Variants in SEC14L6 observed in about 807,000 individuals in gnomAD.
The protein encoded by SEC14L6 is SEC14 like lipid binding 6.
In SEC14L6, 40 loss-of-function variants were observed where a neutral mutation model predicts 54.1. The observed-to-expected ratio is 0.74, with a 90% confidence interval of 0.57 to 0.96. The LOEUF is 0.96. Among genes scored for constraint, SEC14L6 ranks in the 40% least tolerant of loss-of-function variants. SEC14L6 has a pLI of 0.00. For missense variants in SEC14L6, 471 were observed against 498.3 expected (o/e 0.95, Z 0.52); for synonymous variants, 171 against 198.4 (o/e 0.86, Z 1.16).
intron 1 of SEC14L6, among the ~76,000 whole-genome samples, chr22:30,541,396 C>T (rs896988128): frequency 5.3e-5 from 8 of 152,132 alleles, no homozygotes; most frequent in Non-Finnish European, 7.3e-5. Flanking sequence ...GAGTGGCTCA[C>T]GCCTGTAATC....
intron 1 of SEC14L6, chr22:30,542,589 G>A: frequency 6.7e-7 from 1 of 1,484,894 alleles, no homozygotes; most frequent in Non-Finnish European, 8.9e-7. Context: ...CCCGCGGGCC[G>A]GTCCCCGGCC....
intron 2 of SEC14L6, 123 bp downstream of exon 2, chr22:30,538,704 A>G (rs1297233874): frequency 2.9e-6 from 2 of 685,390 alleles, no homozygotes; most frequent in South Asian, 1.9e-5. Context: ...CACGAGAGAT[A>G]ATAAATGTTT....
intron 1 of SEC14L6, among the ~76,000 whole-genome samples, chr22:30,540,269 T>A (rs1262214253): frequency 6.6e-6 from 1 of 152,172 alleles, no homozygotes; most frequent in African/African-American, 2.4e-5. Context: ...GCAATTTTTA[T>A]TTCAATTTCT....
chr22:30,543,961 G>A (rs1241027606), intron 1 of SEC14L6: 34 of 1,606,066 alleles, frequency 2.1e-5, no homozygotes, highest in Non-Finnish European at 2.7e-5. Flanking sequence ...GCCTGCGTCG[G>A]AGGACACCCT....
chr22:30,531,909 G>C lies in SEC14L6; in HGVS notation c.513C>G (p.Leu171=). 1 of 1,550,366 alleles carries C rather than the reference G, an allele frequency of 6.5e-7. No homozygotes were observed. The change falls in exon 6 of 12, where the codon CTC becomes CTG. Residue 171 remains leucine (L), a synonymous_variant. Coordinates refer to ENST00000402034, the MANE Select transcript of SEC14L6 (RefSeq NM_001193336.4). ...CCTGGCGGGGTCACCTCACCTCCTG[G>C]AGAAGCTCTATTCCTGGCTTCCACA... ...RDLWKPGIEL[L]QEFFSALEAN...
chr22:30,532,137 C>T (rs967068077), intron 5 of SEC14L6, 139 bp from the exon 6 acceptor site: 4 of 1,439,960 alleles, frequency 2.8e-6, no homozygotes, highest in East Asian at 2.5e-5. Context: ...AGGGAAGGGG[C>T]CATCCCACAG....
chr22:30,529,012 C>A, intron 8 of SEC14L6, 75 bp downstream of exon 8: 1 of 1,266,194 alleles, frequency 7.9e-7, no homozygotes, highest in Non-Finnish European at 1.1e-6. Flanking sequence ...GATGCAGGAA[C>A]CATCAGATCT....
intron 6 of SEC14L6, 31 bp downstream of exon 6, chr22:30,531,872 C>A: frequency 6.7e-7 from 1 of 1,485,654 alleles, no homozygotes; most frequent in Non-Finnish European, 9.2e-7. Flanking sequence ...CATTTGACCA[C>A]CCACCCATGC....
At chr22:30,539,385 A>G (rs2085657543) in intron 1 of SEC14L6, among the ~76,000 whole-genome samples, 1 of 152,212 alleles carries the variant, frequency 6.6e-6, no homozygotes, top group Admixed American at 6.5e-5. Flanking sequence ...CTCAAAAAAA[A>G]AGAACCTACT....
At chr22:30,527,714 CAAAA>C (rs778118906) in intron 8 of SEC14L6, among the ~76,000 whole-genome samples, 1 of 30,150 alleles carries the variant, frequency 3.3e-5, no homozygotes, top group Non-Finnish European at 7.3e-5. Flanking sequence ...GACCTTGTCT[CAAAA>C]AAAAAAAAAA....
chr22:30,528,936 AGCAGCCCACCTG>A, intron 8 of SEC14L6, 139 bp downstream of exon 8: 1 of 660,504 alleles, frequency 1.5e-6, no homozygotes, highest in South Asian at 1.8e-5. Flanking sequence ...GGGCAGGCAC[AGCAGCCCACCTG>A]GCAGCCCACC....
chr22:30,531,189 C>A (rs1405878999), intron 6 of SEC14L6, among the ~76,000 whole-genome samples: 1 of 152,120 alleles, frequency 6.6e-6, no homozygotes, highest in African/African-American at 2.4e-5. Context: ...AGGCAGATCA[C>A]CTGAGGTCAG....
At chr22:30,531,410 A>AAAAAGAAAAG (rs372813171) in intron 6 of SEC14L6, among the ~76,000 whole-genome samples, 6 of 149,766 alleles carry the variant, frequency 4.0e-5, no homozygotes, top group African/African-American at 7.5e-5. Context: ...CTGTCTCAAA[A>AAAAAGAAAAG]AAAAGAAAAG....
intron 1 of SEC14L6, chr22:30,543,710 C>T: frequency 1.2e-6 from 2 of 1,607,190 alleles, no homozygotes; most frequent in South Asian, 1.1e-5. Flanking sequence ...GTGGTGTGCA[C>T]CTTGCTGGTG....
Position 30,523,888 on chromosome 22 carries a change from A to C in SEC14L6, c.*1109T>G, listed in dbSNP as rs1237535297. The C allele has an allele frequency of 2.6e-5, 4 of 152,210 alleles. No homozygotes were observed. The highest frequency in any genetic ancestry group is 9.6e-5 in the African/African-American group (4 of 41,454). 9.4% of individuals were successfully genotyped at this position (152,210 alleles called of 1,614,324 possible). A position where few individuals can be genotyped will look rare whatever the true frequency, so the allele number is the denominator to read the frequency against. On this transcript the variant is annotated 3_prime_UTR_variant, in exon 12 of 12. Coordinates refer to ENST00000402034, the MANE Select transcript of SEC14L6 (RefSeq NM_001193336.4). ...TATTTTCTGCATGCTTTAACATCTG[A>C]GGTTTTGCTAATCCTGGAGGGCCTG...
rs1393444725 is a variant in SEC14L6 at position 30,524,178 on chromosome 22, G to T, written c.*819C>A. The T allele has an allele frequency of 6.6e-6, 1 of 152,202 alleles. No individual in the cohort carries two copies. Among genetic ancestry groups the T allele is most frequent in the African/African-American group, 2.4e-5 (1 of 41,438 alleles). 9.4% of individuals were successfully genotyped at this position (152,202 alleles called of 1,614,324 possible). A position where few individuals can be genotyped will look rare whatever the true frequency, so the allele number is the denominator to read the frequency against. ...CCTTCCTGCAGAAACCATCATAAAA[G>T]TAAAGTTGCTTTGTCCAGAGTTTTT... is the stretch of plus-strand genomic sequence containing the variant. On this transcript the variant is annotated 3_prime_UTR_variant, in exon 12 of 12. Coordinates refer to ENST00000402034, the MANE Select transcript of SEC14L6 (RefSeq NM_001193336.4).
chr22:30,532,131 A>C (rs2146264458), intron 5 of SEC14L6, 133 bp from the exon 6 acceptor site: 1 of 1,443,016 alleles, frequency 6.9e-7, no homozygotes, highest in Middle Eastern at 2.1e-4. Flanking sequence ...TGGGGGAGGG[A>C]AGGGGCCATC....
chr22:30,543,269 C>T (rs1469403953), intron 1 of SEC14L6: 8 of 1,589,450 alleles, frequency 5.0e-6, no homozygotes, highest in Non-Finnish European at 6.9e-6. Context: ...GCCCACGTCA[C>T]CTTGCGGGGG....
At chr22:30,543,294 G>T in intron 1 of SEC14L6, 1 of 1,579,266 alleles carries the variant, frequency 6.3e-7, no homozygotes. Flanking sequence ...CTTTTCGTGG[G>T]ACTGCCAACT....
Sources: allele counts gnomAD v4.1 joint callset (sites outside exome capture counted in the v4.1 genomes callset), GRCh38; gene constraint gnomAD v4.1.1; transcripts MANE v1.5; gene names NCBI Gene and HGNC (gene_info 2026-07-23, HGNC 2026-07-21).